The following FLT1 variants were observed in gnomAD, a reference collection of about 807,000 sequenced individuals.
FLT1 encodes vascular endothelial growth factor receptor 1.
FLT1 carries 49 observed loss-of-function variants against 156.3 expected under a neutral mutation model. That is an observed-to-expected ratio of 0.31 (90% confidence interval 0.25 to 0.40). FLT1 has a LOEUF of 0.40. Ranked by LOEUF, FLT1 falls within the 10% of genes least tolerant of loss-of-function variation. The pLI is 1.00. For synonymous variants in FLT1, 594 were observed against 583.8 expected, an observed-to-expected ratio of 1.02 and a Z score of -0.25; for missense variants, 1,322 against 1,637.2, an observed-to-expected ratio of 0.81 and a Z score of 3.32.
At chr13:28,432,600 T>C (rs1877762906) in intron 6 of FLT1, among the ~76,000 whole-genome samples, 1 of 152,204 alleles carries the variant, frequency 6.6e-6, no homozygotes, top group Non-Finnish European at 1.5e-5. Flanking sequence ...AAATCAAAAA[T>C]TCATTTCCTC....
chr13:28,406,157 G>T (rs1875790913), intron 10 of FLT1, among the ~76,000 whole-genome samples: 2 of 152,014 alleles, frequency 1.3e-5, no homozygotes, highest in Non-Finnish European at 2.9e-5. Flanking sequence ...AAATAAAAAT[G>T]CATAAATTAG....
At chr13:28,428,795 G>A (rs1237900338) in intron 8 of FLT1, among the ~76,000 whole-genome samples, 1 of 152,052 alleles carries the variant, frequency 6.6e-6, no homozygotes, top group African/African-American at 2.4e-5. Context: ...GTTTAATATT[G>A]GGAACTTAGT....
At chr13:28,468,026 C>T (rs189784779) in intron 1 of FLT1, among the ~76,000 whole-genome samples, 4 of 152,196 alleles carry the variant, frequency 2.6e-5, no homozygotes, top group Admixed American at 2.0e-4. Context: ...TGAACTTTTT[C>T]CAGTGTGGGT....
rs759742291 is a variant in FLT1 at position 28,430,118 on chromosome 13, G to C, written c.1038C>G (p.Thr346=). ...GCCGGTAAGACCGCTTGCCAGCTAC[G>C]GTTTCAAGCACCTGCTGTTTTCGAT... ...VKHRKQQVLE[T]VAGKRSYRLS... The change falls in exon 8 of 30, where the codon ACC becomes ACG. Residue 346 remains threonine, a synonymous_variant. Coordinates refer to ENST00000282397, the MANE Select transcript of FLT1 (RefSeq NM_002019.4). 90 of 1,613,852 alleles carry C rather than the reference G, an allele frequency of 5.6e-5. No individual in the cohort carries two copies. The highest frequency in any genetic ancestry group is 1.0e-4 in the Admixed American group (6 of 59,982).
intron 1 of FLT1, 139 bp downstream of exon 1, chr13:28,494,641 C>A (rs1881656037): frequency 1.5e-6 from 1 of 661,752 alleles, no homozygotes; most frequent in East Asian, 3.2e-5. Flanking sequence ...CAACTAGTGT[C>A]CCAGGTTCTC....
chr13:28,403,016 G>C (rs960264674), intron 11 of FLT1, among the ~76,000 whole-genome samples: 2 of 152,034 alleles, frequency 1.3e-5, no homozygotes, highest in Non-Finnish European at 2.9e-5. Flanking sequence ...CTGACCTCAG[G>C]TGATCCGCCC....
At chr13:28,327,385 C>A in intron 20 of FLT1, 77 bp downstream of exon 20, 1 of 881,272 alleles carries the variant, frequency 1.1e-6, no homozygotes, top group East Asian at 2.4e-5. Flanking sequence ...ATACAGGTTT[C>A]TCTTGCTTTA....
Position 28,467,518 on chromosome 13 carries a change from T to C in FLT1, c.161+3A>G. 1.9e-6 allele frequency: 3 copies of C among 1,580,976 alleles called. No individual in the cohort carries two copies. Among genetic ancestry groups the C allele is most frequent in the Non-Finnish European group, 1.7e-6 (2 of 1,151,810 alleles). ...TTATTCCCAAACCAACACAGCCACTTACCTGCATTGGAGATGCAGTGTCTG... is the reference window on the plus strand; with the variant it reads ...TTATTCCCAAACCAACACAGCCACTCACCTGCATTGGAGATGCAGTGTCTG... On this transcript the variant is annotated splice_donor_region_variant and intron_variant, in intron 2 of 29. Transcript: ENST00000282397.
rs117614786 is a variant in FLT1 at position 28,318,992 on chromosome 13, T to A, written c.3286+431A>T. Reference sequence around the variant, plus strand: ...AAGGTCTCCTGTTTCTAACAACACCTTCCTCGCTGGGGCAGCTGAGCTTGT... The same window carrying A: ...AAGGTCTCCTGTTTCTAACAACACCATCCTCGCTGGGGCAGCTGAGCTTGT... On this transcript the variant is annotated intron_variant, in intron 24 of 29. Transcript: ENST00000282397. 3.2e-3 allele frequency among the ~76,000 whole-genome samples: 482 copies of A among 152,318 alleles called. 1 individual carries two copies. The highest frequency in any genetic ancestry group is 0.014 in the Middle Eastern group (4 of 294).
At chr13:28,431,908 A>G (rs1877705486) in intron 6 of FLT1, among the ~76,000 whole-genome samples, 1 of 147,004 alleles carries the variant, frequency 6.8e-6, no homozygotes, top group Non-Finnish European at 1.5e-5. Flanking sequence ...ATAATGCTAT[A>G]GTTTCATTAT....
intron 14 of FLT1, among the ~76,000 whole-genome samples, chr13:28,377,720 G>A (rs980444085): frequency 6.6e-6 from 1 of 152,028 alleles, no homozygotes; most frequent in Admixed American, 6.6e-5. Flanking sequence ...ATGCATTCTG[G>A]ACCTTTACAA....
chr13:28,301,648 C>T lies in FLT1; in HGVS notation c.*1519G>A, dbSNP rs914943630. ...TCTGACTGGCTGCAGAAGGTGCAGA[C>T]ATCATAAATACATAGACCCTAACTT... On this transcript the variant is annotated 3_prime_UTR_variant, in exon 30 of 30. Coordinates refer to ENST00000282397, the MANE Select transcript of FLT1 (RefSeq NM_002019.4). 3.9e-5 allele frequency: 9 copies of T among 233,184 alleles called. No individual in the cohort carries two copies. Among genetic ancestry groups the T allele is most frequent in the African/African-American group, 2.0e-4 (9 of 45,326 alleles). The allele number at this position is 233,184 out of a possible 1,614,324, so 14.4% of individuals were successfully genotyped here.
At chr13:28,427,343 C>G in intron 9 of FLT1, 25 bp from the exon 10 acceptor site, 1 of 1,612,924 alleles carries the variant, frequency 6.2e-7, no homozygotes, top group Non-Finnish European at 8.5e-7. Context: ...AAGAACGGGA[C>G]AGAAGTCAAG....
In FLT1 at chr13:28,313,904, A is replaced by G. The variant is rs145274413; in HGVS notation, c.3387-1806T>C. ...ACAGGGAGGTAAAAAAAAAAAAAAA[A>G]AAAAAGAAGAATCCGGGTGTGGTGG... On this transcript the variant is annotated intron_variant, in intron 25 of 29. Coordinates refer to ENST00000282397, the MANE Select transcript of FLT1 (RefSeq NM_002019.4). Among the ~76,000 whole-genome samples the G allele has an allele frequency of 1.0e-3, 49 of 48,682 alleles. No homozygotes were observed. In the South Asian group the frequency reaches 0.036, roughly 35 times the overall value. 31.9% of individuals were successfully genotyped at this position (48,682 alleles called of 152,430 possible).
chr13:28,419,567 G>A (rs1227794926), intron 10 of FLT1, among the ~76,000 whole-genome samples: 3 of 152,178 alleles, frequency 2.0e-5, no homozygotes, highest in African/African-American at 7.2e-5. Flanking sequence ...ACTGAATCTT[G>A]CTGAAAAGAT....
At chr13:28,380,976 GACT>G (rs1382254514) in intron 14 of FLT1, among the ~76,000 whole-genome samples, 1 of 152,054 alleles carries the variant, frequency 6.6e-6, no homozygotes, top group Non-Finnish European at 1.5e-5. Flanking sequence ...ATTCTTATAT[GACT>G]CATGAGGGCC....
chr13:28,417,634 CTT>C (rs1426589022), intron 10 of FLT1, among the ~76,000 whole-genome samples: 2 of 150,716 alleles, frequency 1.3e-5, no homozygotes, highest in African/African-American at 4.9e-5. Context: ...AAAACAATCT[CTT>C]TTTAAAAATT....
rs2137538179 is a variant in FLT1 at position 28,427,175 on chromosome 13, T to C, written c.1420A>G (p.Asn474Asp). The C allele has an allele frequency of 6.2e-7, 1 of 1,614,086 alleles. No homozygotes were observed. The highest frequency in any genetic ancestry group is 8.5e-7 in the Non-Finnish European group (1 of 1,179,928). ...TGTCCCTACCTTGCTTCGGAATGAT[T>C]ATGGTTACAGGGGTGCCAGAACCAC... ...IKWFWHPCNH[N>D]HSEARCDFCS... is the part of the protein sequence containing the mutation. The change falls in exon 10 of 30, where the codon AAT becomes GAT. Residue 474 changes from asparagine (N) to aspartate (D), a missense_variant. Asn to Asp is a conservative substitution (Grantham distance 23). Coordinates refer to ENST00000282397, the MANE Select transcript of FLT1 (RefSeq NM_002019.4).
intron 3 of FLT1, among the ~76,000 whole-genome samples, chr13:28,438,837 C>T (rs958907148): frequency 6.6e-6 from 1 of 152,192 alleles, no homozygotes; most frequent in African/African-American, 2.4e-5. Flanking sequence ...ATTTGAATGA[C>T]AGAAGCATGA....
Sources: gnomAD v4.1 joint callset for allele counts (sites outside exome capture counted in the v4.1 genomes callset) on GRCh38, gnomAD v4.1.1 for gene constraint, MANE v1.5 for transcripts, NCBI Gene and HGNC (gene_info 2026-07-23, HGNC 2026-07-21) for gene names.